Variants in ECT2L observed in about 807,000 individuals in gnomAD.
ECT2L encodes the protein epithelial cell-transforming sequence 2 oncogene-like.
A neutral mutation model predicts 122.8 loss-of-function variants in ECT2L; 126 were observed. The ratio of observed to expected loss-of-function variants is 1.03; its 90% confidence interval spans 0.89 to 1.19. ECT2L has a LOEUF of 1.19. Ranked by LOEUF, ECT2L falls within the 50% of genes most tolerant of loss-of-function variation. ECT2L has a pLI of 0.00. For missense variants in ECT2L, 1,012 were observed against 1,064.1 expected, an observed-to-expected ratio of 0.95 and a Z score of 0.68; for synonymous variants, 385 against 381.8, an observed-to-expected ratio of 1.01 and a Z score of -0.10.
intron 4 of ECT2L, among the ~76,000 whole-genome samples, chr6:138,837,120 CTG>C (rs1312860274): frequency 1.3e-5 from 2 of 152,138 alleles, no homozygotes; most frequent in African/African-American, 4.8e-5. Context: ...ATACAGCCAT[CTG>C]TCTCTGTGTA....
chr6:138,865,207 GTTAA>G, intron 12 of ECT2L, 29 bp downstream of exon 12: 5 of 1,561,022 alleles, frequency 3.2e-6, no homozygotes, highest in Non-Finnish European at 4.4e-6. Context: ...TCTGTTGCAG[GTTAA>G]TTATGAAGTT....
At chr6:138,866,042 T>A (rs1029797243) in intron 12 of ECT2L, among the ~76,000 whole-genome samples, 1 of 152,230 alleles carries the variant, frequency 6.6e-6, no homozygotes, top group East Asian at 1.9e-4. Flanking sequence ...AACAGGGATT[T>A]GCCTTCCTGC....
rs143551647 is a variant in ECT2L, at chr6:138,834,940, CAT to C, written c.180-3411_180-3410del. 1.3e-3 allele frequency among the ~76,000 whole-genome samples: 188 copies of C among 148,274 alleles called. 1 individual carries two copies. Among genetic ancestry groups the C allele is most frequent in the African/African-American group, 4.4e-3 (175 of 40,174 alleles). ...ACACACACACACACACACACACTCT[CAT>C]TCTCTCTCTCTGTCTCTTTCCTCAC... On this transcript the variant is annotated intron_variant, in intron 4 of 21. Coordinates refer to ENST00000541398, the MANE Select transcript of ECT2L (RefSeq NM_001077706.3).
intron 4 of ECT2L, among the ~76,000 whole-genome samples, chr6:138,815,842 T>C (rs1216626841): frequency 1.3e-5 from 2 of 152,216 alleles, no homozygotes; most frequent in Non-Finnish European, 2.9e-5. Flanking sequence ...GGTGGAGTAC[T>C]TGCTTCCTGT....
chr6:138,870,960 T>C (rs569040077), intron 13 of ECT2L, among the ~76,000 whole-genome samples: 3 of 152,106 alleles, frequency 2.0e-5, no homozygotes, highest in Admixed American at 6.5e-5. Context: ...AAGGTTTGCT[T>C]GAACCCGGGG....
intron 9 of ECT2L, among the ~76,000 whole-genome samples, 164 bp downstream of exon 9, chr6:138,849,598 G>T (rs1470313970): frequency 6.7e-6 from 1 of 149,668 alleles, no homozygotes; most frequent in Non-Finnish European, 1.5e-5. Context: ...TTTAATTCAG[G>T]GTCTCTGTCA....
chr6:138,898,196 T>C (rs1195428523), intron 20 of ECT2L, among the ~76,000 whole-genome samples: 1 of 152,196 alleles, frequency 6.6e-6, no homozygotes, highest in East Asian at 1.9e-4. Flanking sequence ...TCTTGCTTCC[T>C]CTCTCCCTCA....
At chr6:138,873,900 G>GTGTGTGTGTGTGTGTGTGTA (rs1351276557) in intron 13 of ECT2L, among the ~76,000 whole-genome samples, 114 of 150,862 alleles carry the variant, frequency 7.6e-4, no homozygotes, top group African/African-American at 2.3e-3. Context: ...GTGTGTGTGT[G>GTGTGTGTGTGTGTGTGTGTA]TGTGTGTGTG....
At chr6:138,852,712 T>C (rs1436806006) in intron 9 of ECT2L, among the ~76,000 whole-genome samples, 1 of 152,242 alleles carries the variant, frequency 6.6e-6, no homozygotes, top group Non-Finnish European at 1.5e-5. Context: ...TGGGGCAAGT[T>C]GTGTTCCACA....
In ECT2L at chr6:138,885,730, T is replaced by C. The variant is rs780805842; in HGVS notation, c.2159T>C (p.Leu720Pro). The C allele has an allele frequency of 6.2e-7, 1 of 1,614,192 alleles. No individual in the cohort carries two copies. Among genetic ancestry groups the C allele is most frequent in the South Asian group, 1.1e-5 (1 of 91,074 alleles). The stretch of plus-strand genomic sequence containing the variant: ...AGATTTGAAGAATACCTTAATCTTC[T>C]CTACGCTGTCAGGCTTCATACCCCT... ...SRRFEEYLNL[L>P]YAVRLHTPAE... Residue 720 changes from leucine (L) to proline (P), a missense_variant, in exon 18 of 22, where the codon CTC becomes CCC. Coordinates refer to ENST00000541398, the MANE Select transcript of ECT2L (RefSeq NM_001077706.3).
chr6:138,851,235 G>C (rs2128394204), intron 9 of ECT2L, among the ~76,000 whole-genome samples: 1 of 151,998 alleles, frequency 6.6e-6, no homozygotes, highest in South Asian at 2.1e-4. Context: ...GTTTCCTAAG[G>C]TGAAATGCAG....
At chr6:138,876,428 G>A (rs760295660) in intron 13 of ECT2L, 44 bp from the exon 14 acceptor site, 45 of 1,436,940 alleles carry the variant, frequency 3.1e-5, no homozygotes, top group Non-Finnish European at 4.0e-5. Flanking sequence ...TTTCAGAGAT[G>A]TCAAGACCTG....
At chr6:138,862,855 CTA>C (rs1349716420) in intron 11 of ECT2L, 136 bp downstream of exon 11, 5 of 605,196 alleles carry the variant, frequency 8.3e-6, no homozygotes, top group Non-Finnish European at 1.4e-5. Context: ...TGAAGGAACG[CTA>C]TTAGTTCCCA....
Position 138,827,216 on chromosome 6 carries a change from C to T in ECT2L, c.180-11136C>T, listed in dbSNP as rs773834955. Among the ~76,000 whole-genome samples the T allele has an allele frequency of 1.1e-4, 16 of 152,092 alleles. 1 individual carries two copies. The highest frequency in any genetic ancestry group is 8.5e-4 in the Admixed American group (13 of 15,272). ...ACAAAAAATTAGCCAGGTGTGGTGG[C>T]GCATGCCTGTAATCCCAGCTACTCT... On this transcript the variant is annotated intron_variant, in intron 4 of 21. Transcript: ENST00000541398.
intron 11 of ECT2L, among the ~76,000 whole-genome samples, chr6:138,864,623 C>A (rs930210420): frequency 6.6e-6 from 1 of 152,168 alleles, no homozygotes; most frequent in African/African-American, 2.4e-5. Context: ...GATGGGGAAG[C>A]CGTGTAGCGT....
chr6:138,862,849 G>A (rs1582629229), intron 11 of ECT2L, 130 bp downstream of exon 11: 1 of 659,594 alleles, frequency 1.5e-6, no homozygotes, highest in South Asian at 2.3e-5. Flanking sequence ...CTCCCCTGAA[G>A]GAACGCTATT....
At chr6:138,803,975 T>C (rs971032382) in intron 1 of ECT2L, among the ~76,000 whole-genome samples, 1 of 152,256 alleles carries the variant, frequency 6.6e-6, no homozygotes, top group Non-Finnish European at 1.5e-5. Context: ...TTGGAATTTA[T>C]AGCAACAGAG....
intron 10 of ECT2L, among the ~76,000 whole-genome samples, chr6:138,854,363 C>A (rs959871718): frequency 2.0e-5 from 3 of 152,114 alleles, no homozygotes; most frequent in African/African-American, 7.2e-5. Flanking sequence ...GAAATACGGT[C>A]CCTAAATGGC....
intron 12 of ECT2L, among the ~76,000 whole-genome samples, chr6:138,867,406 G>A (rs1778084267): frequency 6.6e-6 from 1 of 152,070 alleles, no homozygotes; most frequent in Non-Finnish European, 1.5e-5. Context: ...CCAGTACGGT[G>A]GCTCATGTCT....
Sources: gnomAD v4.1 joint callset for allele counts (sites outside exome capture counted in the v4.1 genomes callset) on GRCh38, gnomAD v4.1.1 for gene constraint, MANE v1.5 for transcripts, NCBI Gene and HGNC (gene_info 2026-07-23, HGNC 2026-07-21) for gene names.